Variants in FRMD4B observed in about 807,000 individuals in gnomAD.
FRMD4B encodes the protein FERM domain-containing protein 4B.
A neutral mutation model predicts 141.5 loss-of-function variants in FRMD4B; 74 were observed. That is an observed-to-expected ratio of 0.52 (90% CI 0.43 to 0.63). FRMD4B has a LOEUF of 0.63. FRMD4B is among the 30% of genes least tolerant of loss of function. The pLI, the probability that FRMD4B is intolerant of heterozygous loss-of-function variation, is 0.00. For synonymous variants in FRMD4B, 506 were observed against 467.9 expected (o/e 1.08, Z -1.05); for missense variants, 1,366 against 1,253.4 (o/e 1.09, Z -1.36).
At chr3:69,294,944 G>A (rs1700990090) in intron 4 of FRMD4B, among the ~76,000 whole-genome samples, 1 of 152,202 alleles carries the variant, frequency 6.6e-6, no homozygotes, top group African/African-American at 2.4e-5. Flanking sequence ...AGGGGAATGG[G>A]TCAGACCCAA....
intron 5 of FRMD4B, among the ~76,000 whole-genome samples, chr3:69,257,297 T>C (rs1206077502): frequency 6.6e-6 from 1 of 152,216 alleles, no homozygotes; most frequent in Admixed American, 6.5e-5. Context: ...CAGAACTCAT[T>C]ATTTTAATAC....
intron 1 of FRMD4B, among the ~76,000 whole-genome samples, chr3:69,524,438 A>C (rs1426785988): frequency 6.6e-6 from 1 of 152,258 alleles, no homozygotes; most frequent in African/African-American, 2.4e-5. Flanking sequence ...AATTAACTAA[A>C]GCTGTCATGT....
intron 1 of FRMD4B, among the ~76,000 whole-genome samples, chr3:69,329,362 T>G (rs1702287529): frequency 6.6e-6 from 1 of 152,130 alleles, no homozygotes; most frequent in Non-Finnish European, 1.5e-5. Context: ...TTTATTTTTA[T>G]GTTTTGAGAC....
chr3:69,405,724 C>T (rs778227542), intron 2 of FRMD4B, among the ~76,000 whole-genome samples: 10 of 152,098 alleles, frequency 6.6e-5, no homozygotes, highest in South Asian at 2.1e-4. Flanking sequence ...TGGCTCACTC[C>T]GATACCATGT....
intron 19 of FRMD4B, among the ~76,000 whole-genome samples, chr3:69,184,997 T>C (rs2092749593): frequency 6.6e-6 from 1 of 152,206 alleles, no homozygotes; most frequent in African/African-American, 2.4e-5. Flanking sequence ...CACTGCTCTT[T>C]AACAAATTAG....
intron 3 of FRMD4B, chr3:69,310,337 GA>G (rs1701535246): frequency 2.5e-6 from 1 of 400,468 alleles, no homozygotes; most frequent in Non-Finnish European, 5.0e-6. Flanking sequence ...CTAAAGAACT[GA>G]AAAATATTTA....
At chr3:69,396,656 TC>T (rs1318866031) in intron 2 of FRMD4B, among the ~76,000 whole-genome samples, 2 of 152,162 alleles carry the variant, frequency 1.3e-5, no homozygotes, top group African/African-American at 4.8e-5. Flanking sequence ...CTACTTCACA[TC>T]CATTAGAATG....
At chr3:69,202,966 CAA>C (rs1411546263) in intron 11 of FRMD4B, among the ~76,000 whole-genome samples, 1 of 150,648 alleles carries the variant, frequency 6.6e-6, no homozygotes, top group Admixed American at 6.6e-5. Flanking sequence ...CTTAAAAAAA[CAA>C]AGTGACAAAA....
chr3:69,433,797 G>T (rs966526991), intron 1 of FRMD4B, among the ~76,000 whole-genome samples: 4 of 152,152 alleles, frequency 2.6e-5, no homozygotes, highest in African/African-American at 7.2e-5. Flanking sequence ...GGATAGTTAT[G>T]GTTTGGGTAG....
At chr3:69,264,881 C>T (rs1430951711) in intron 5 of FRMD4B, among the ~76,000 whole-genome samples, 1 of 151,952 alleles carries the variant, frequency 6.6e-6, no homozygotes, top group African/African-American at 2.4e-5. Flanking sequence ...AACTTGATCA[C>T]GATGAAGATA....
chr3:69,235,307 A>G (rs1258648863), intron 7 of FRMD4B, among the ~76,000 whole-genome samples: 1 of 151,964 alleles, frequency 6.6e-6, no homozygotes, highest in Non-Finnish European at 1.5e-5. Flanking sequence ...AGACTCTAGC[A>G]AGTGACCTGA....
chr3:69,405,921 T>C (rs1257933674), intron 2 of FRMD4B, among the ~76,000 whole-genome samples: 3 of 152,190 alleles, frequency 2.0e-5, no homozygotes, highest in Admixed American at 1.3e-4. Flanking sequence ...TCATTTCAAA[T>C]AATATTTTGC....
intron 2 of FRMD4B, among the ~76,000 whole-genome samples, chr3:69,413,663 T>TC (rs1223872955): frequency 1.3e-5 from 2 of 152,240 alleles, no homozygotes; most frequent in East Asian, 3.9e-4. Context: ...AGGTTTCCCA[T>TC]TTTCCTCTTT....
chr3:69,303,930 G>A (rs1701302844), intron 3 of FRMD4B, among the ~76,000 whole-genome samples: 1 of 152,030 alleles, frequency 6.6e-6, no homozygotes, highest in South Asian at 2.1e-4. Context: ...ATGAGACCCT[G>A]TCTCAAAACA....
At position 69,272,911 on chromosome 3, in the gene FRMD4B, T is replaced by C. The variant is rs114339166; in HGVS notation, c.501+14841A>G. Among the ~76,000 whole-genome samples, 1,374 of 152,360 alleles carry C rather than the reference T, an allele frequency of 9.0e-3. 10 individuals carry two copies. The highest frequency in any genetic ancestry group is 0.014 in the Non-Finnish European group (965 of 68,036). ...AGTCTCTTTGCCATAAACAGGCAGCTAGAACTCTACAAAAGTATGAAAATA... is the reference window on the plus strand; with the variant it reads ...AGTCTCTTTGCCATAAACAGGCAGCCAGAACTCTACAAAAGTATGAAAATA... On this transcript the variant is annotated intron_variant, in intron 5 of 22. Coordinates refer to ENST00000398540, the MANE Select transcript of FRMD4B (RefSeq NM_015123.3).
At chr3:69,229,015 G>GTTTTTTTTTTTTTTTTTTTTTT in intron 7 of FRMD4B, among the ~76,000 whole-genome samples, 1 of 120,984 alleles carries the variant, frequency 8.3e-6, no homozygotes, top group Non-Finnish European at 1.7e-5. Flanking sequence ...TCAAAATCAT[G>GTTTTTTTTTTTTTTTTTTTTTT]TTTTTTTTTT....
chr3:69,348,827 A>C (rs1427071670), intron 1 of FRMD4B, among the ~76,000 whole-genome samples: 1 of 152,204 alleles, frequency 6.6e-6, no homozygotes, highest in African/African-American at 2.4e-5. Context: ...TATTGATGGG[A>C]TGTATCTCAA....
chr3:69,287,951 G>A lies in FRMD4B; in HGVS notation c.417-115C>T. ...TTTTGAGAAACCTGAGGAAGGTTGT[G>A]CTTTCTTTTCCGTTTTAAAAGAAAT... On this transcript the variant is annotated intron_variant, in intron 4 of 22. Transcript: ENST00000398540. The A allele has an allele frequency of 6.7e-6, 4 of 595,188 alleles. No homozygotes were observed. In the South Asian group the frequency reaches 8.7e-5, roughly 13 times the overall value. The allele number at this position is 595,188 out of a possible 1,614,324, so 36.9% of individuals were successfully genotyped here. A position where few individuals can be genotyped will look rare whatever the true frequency, so the allele number is the denominator to read the frequency against.
rs1704743850 is a variant in FRMD4B at position 69,410,731 on chromosome 3, ATATAT to A, written c.-1+21898_-1+21902del. 4.2e-3 allele frequency among the ~76,000 whole-genome samples: 341 copies of A among 81,448 alleles called. 4 individuals are homozygous for A. Among genetic ancestry groups the A allele is most frequent in the African/African-American group, 0.013 (303 of 22,666 alleles). The allele number at this position is 81,448 out of a possible 152,430, so 53.4% of individuals were successfully genotyped here. On this transcript the variant is annotated intron_variant, in intron 2 of 5. Coordinates refer to the FRMD4B transcript ENST00000459638. ...TATAAATAAATAAATAAATAAATAT[ATATAT>A]ATATATATATATATATATATATATA... is the stretch of plus-strand genomic sequence containing the variant.
Sources: gnomAD v4.1 joint callset for allele counts (sites outside exome capture counted in the v4.1 genomes callset) on GRCh38, gnomAD v4.1.1 for gene constraint, MANE v1.5 for transcripts, NCBI Gene and HGNC (gene_info 2026-07-23, HGNC 2026-07-21) for gene names.